Variants in LPP observed in about 807,000 individuals in gnomAD.
LPP encodes LIM domain containing preferred translocation partner in lipoma.
Under a neutral mutation model 60.4 loss-of-function variants are expected in LPP, and 38 were observed. The observed-to-expected ratio is 0.63, with a 90% CI of 0.49 to 0.83. The LOEUF is 0.83. Among genes scored for constraint, LPP ranks in the 40% least tolerant of loss-of-function variants. The pLI is 0.00. For missense variants in LPP, 902 were observed against 783.6 expected, an observed-to-expected ratio of 1.15 and a Z score of -1.80; for synonymous variants, 328 against 290.8, an observed-to-expected ratio of 1.13 and a Z score of -1.30.
chr3:188,642,914 C>T (rs1850435699), intron 7 of LPP, among the ~76,000 whole-genome samples: 1 of 145,738 alleles, frequency 6.9e-6, no homozygotes, highest in South Asian at 2.3e-4. Flanking sequence ...CTAGCCTGGG[C>T]AACAAGAGCA....
chr3:188,837,016 A>G (rs985481669), intron 9 of LPP, among the ~76,000 whole-genome samples: 2 of 152,176 alleles, frequency 1.3e-5, no homozygotes, highest in Non-Finnish European at 2.9e-5. Flanking sequence ...TATTGTGTGT[A>G]TATTCACAAT....
At chr3:188,386,645 A>G (rs554608389) in intron 3 of LPP, among the ~76,000 whole-genome samples, 1 of 152,336 alleles carries the variant, frequency 6.6e-6, no homozygotes, top group South Asian at 2.1e-4. Context: ...GCAAGCTGAG[A>G]CTTTTTATAT....
intron 2 of LPP, among the ~76,000 whole-genome samples, chr3:188,308,667 G>A (rs1752292454): frequency 6.6e-6 from 1 of 152,202 alleles, no homozygotes; most frequent in South Asian, 2.1e-4. Context: ...AGCCAGTGCT[G>A]CACAAAGTGT....
At chr3:188,570,117 G>A (rs766989817) in intron 6 of LPP, among the ~76,000 whole-genome samples, 10 of 150,926 alleles carry the variant, frequency 6.6e-5, no homozygotes, top group Non-Finnish European at 1.3e-4. Context: ...ACTTCTGCAT[G>A]CAATTAGTGT....
intron 8 of LPP, among the ~76,000 whole-genome samples, chr3:188,751,910 C>T (rs1453950811): frequency 2.6e-5 from 4 of 151,986 alleles, no homozygotes; most frequent in Non-Finnish European, 2.9e-5. Context: ...AAATTTCTAC[C>T]GAAAAATTCC....
At chr3:188,873,064 C>T (rs546392880) in intron 11 of LPP, among the ~76,000 whole-genome samples, 1 of 145,854 alleles carries the variant, frequency 6.9e-6, no homozygotes, top group African/African-American at 2.5e-5. Context: ...TTGTGAAATA[C>T]TAAATTAGTG....
At position 188,881,598 on chromosome 3, in the gene LPP, T is replaced by C. The variant is rs140252092; in HGVS notation, c.*7119T>C. 2.7e-3 allele frequency: 601 copies of C among 218,644 alleles called. 7 individuals are homozygous for C. The highest frequency in any genetic ancestry group is 0.016 in the Middle Eastern group (11 of 704). 13.5% of individuals were successfully genotyped at this position (218,644 alleles called of 1,614,324 possible). ...AAGCTACAGAAGGATAGAACTCCCA[T>C]GTCTACAGACAGTTCTGTTACTTTT... On this transcript the variant is annotated 3_prime_UTR_variant, in exon 12 of 12. Transcript: ENST00000617246.
In LPP at chr3:188,496,356, T is replaced by G. The variant is rs542238204; in HGVS notation, c.306+11652T>G. Among the ~76,000 whole-genome samples the G allele has an allele frequency of 1.3e-4, 20 of 152,316 alleles. No individual in the cohort carries two copies. In the East Asian group the frequency reaches 3.9e-3, roughly 29 times the overall value. On this transcript the variant is annotated intron_variant, in intron 5 of 11. Transcript: ENST00000617246. ...GTTGGCCAGGCTGGTCTCGAACACC[T>G]GACCTCGTGATCTGCCCACCTCAGC...
At chr3:188,271,477 G>A (rs1170102101) in intron 2 of LPP, among the ~76,000 whole-genome samples, 1 of 152,212 alleles carries the variant, frequency 6.6e-6, no homozygotes, top group Non-Finnish European at 1.5e-5. Context: ...TGAGACTGAG[G>A]TGTTGGTTTC....
At chr3:188,484,351 T>C (rs1805694885) in intron 4 of LPP, among the ~76,000 whole-genome samples, 1 of 152,214 alleles carries the variant, frequency 6.6e-6, no homozygotes, top group South Asian at 2.1e-4. Context: ...TTGCTTAATA[T>C]ATTGACCCCT....
chr3:188,879,051 A>G lies in LPP; in HGVS notation c.*4572A>G, dbSNP rs1387490359. The G allele has an allele frequency of 4.4e-6, 1 of 228,434 alleles. No individual in the cohort carries two copies. Among genetic ancestry groups the G allele is most frequent in the Non-Finnish European group, 8.7e-6 (1 of 115,104 alleles). 14.2% of individuals were successfully genotyped at this position (228,434 alleles called of 1,614,324 possible). On this transcript the variant is annotated 3_prime_UTR_variant, in exon 12 of 12. Coordinates refer to ENST00000617246, the MANE Select transcript of LPP (RefSeq NM_001375462.1). ...GTATTTGCTTAATAGTGGTCCAGAC[A>G]AGTTCAAAACTTGTTCTCAGTGAGG...
intron 4 of LPP, among the ~76,000 whole-genome samples, chr3:188,478,994 C>T (rs13085568): frequency 2.0e-5 from 3 of 151,852 alleles, no homozygotes; most frequent in Non-Finnish European, 4.4e-5. Flanking sequence ...CCTCCTGATC[C>T]GCTTGCCTCG....
intron 1 of LPP, chr3:188,213,088 A>G (rs1246076464): frequency 6.6e-6 from 1 of 152,224 alleles, no homozygotes; most frequent in African/African-American, 2.4e-5. Context: ...TGAGTTGGGT[A>G]GAAAGACAAT....
chr3:188,309,646 T>TAGTTG (rs10623594), intron 2 of LPP, among the ~76,000 whole-genome samples: 50,694 of 151,546 alleles, frequency 0.33, 9,097 homozygotes, highest in East Asian at 0.66. Flanking sequence ...ATCTCCTTCA[T>TAGTTG]AGTTGAGATT....
At chr3:188,477,464 C>A (rs1803536529) in intron 4 of LPP, among the ~76,000 whole-genome samples, 1 of 152,116 alleles carries the variant, frequency 6.6e-6, no homozygotes, top group African/African-American at 2.4e-5. Flanking sequence ...AGTGCAATTG[C>A]TTTCATATTG....
intron 8 of LPP, among the ~76,000 whole-genome samples, chr3:188,755,900 T>G (rs1365983300): frequency 6.9e-6 from 1 of 144,560 alleles, no homozygotes; most frequent in Admixed American, 6.9e-5. Context: ...GCTATGCCAC[T>G]TCTCTTGTTC....
chr3:188,884,897 G>A lies in LPP; in HGVS notation c.*10418G>A. 1 of 223,916 alleles carries A rather than the reference G, an allele frequency of 4.5e-6. No individual in the cohort carries two copies. 13.9% of individuals were successfully genotyped at this position (223,916 alleles called of 1,614,324 possible). On this transcript the variant is annotated 3_prime_UTR_variant, in exon 12 of 12. Transcript: ENST00000617246. ...GTCTGAAAACAAATGTTATGGAACT[G>A]TTGGCATTTCTGAGATTTGGCCTTT...
chr3:188,631,254 TTTA>T (rs1847806211), intron 7 of LPP, among the ~76,000 whole-genome samples: 1 of 152,182 alleles, frequency 6.6e-6, no homozygotes, highest in South Asian at 2.1e-4. Flanking sequence ...ATAAACATTT[TTTA>T]TTATTATAGT....
At chr3:188,385,039 A>G (rs753114370) in intron 3 of LPP, among the ~76,000 whole-genome samples, 47 of 149,030 alleles carry the variant, frequency 3.2e-4, no homozygotes, top group African/African-American at 1.0e-3. Flanking sequence ...ACCTACCCCT[A>G]TTTTCTTTAG....
Sources: gnomAD v4.1 joint callset for allele counts (sites outside exome capture counted in the v4.1 genomes callset) on GRCh38, gnomAD v4.1.1 for gene constraint, MANE v1.5 for transcripts, NCBI Gene and HGNC (gene_info 2026-07-23, HGNC 2026-07-21) for gene names.